The following CREB5 variants were observed in gnomAD, a reference collection of about 807,000 sequenced individuals.
CREB5 encodes cAMP responsive element binding protein 5, also known as cyclic AMP-responsive element-binding protein 5.
A neutral mutation model predicts 57.1 loss-of-function variants in CREB5; 19 were observed. That is an observed-to-expected ratio of 0.33 (90% CI 0.23 to 0.49). The LOEUF is 0.49. Among genes scored for constraint, CREB5 ranks in the 20% least tolerant of loss-of-function variants. CREB5 has a pLI of 0.99. For missense variants in CREB5, 579 were observed against 671.6 expected, an observed-to-expected ratio of 0.86 and a Z score of 1.52; for synonymous variants, 238 against 238.3, an observed-to-expected ratio of 1.00 and a Z score of 0.01.
chr7:28,427,389 AT>A (rs1788551034), intron 1 of CREB5, among the ~76,000 whole-genome samples: 1 of 152,112 alleles, frequency 6.6e-6, no homozygotes, highest in Non-Finnish European at 1.5e-5. Flanking sequence ...ATTGTTTGAC[AT>A]TTAACTTTGC....
intron 1 of CREB5, among the ~76,000 whole-genome samples, chr7:28,365,793 T>C (rs898405055): frequency 6.6e-6 from 1 of 152,188 alleles, no homozygotes; most frequent in Non-Finnish European, 1.5e-5. Context: ...CTCTTTAAAA[T>C]ATTTTTTTTT....
chr7:28,455,620 A>G (rs577073484), intron 1 of CREB5, among the ~76,000 whole-genome samples: 39 of 151,928 alleles, frequency 2.6e-4, no homozygotes, highest in Non-Finnish European at 4.9e-4. Flanking sequence ...AGAGTGGAGC[A>G]CCTGGACCTT....
At chr7:28,688,674 A>G (rs1801077919) in intron 5 of CREB5, among the ~76,000 whole-genome samples, 1 of 152,178 alleles carries the variant, frequency 6.6e-6, no homozygotes, top group South Asian at 2.1e-4. Context: ...ATTGTAAAGT[A>G]TGTAGTTATG....
At chr7:28,631,014 C>T (rs906139155) in intron 5 of CREB5, among the ~76,000 whole-genome samples, 2 of 152,136 alleles carry the variant, frequency 1.3e-5, no homozygotes, top group Admixed American at 1.3e-4. Context: ...AGTGGTTAGG[C>T]TGGAGTCAGA....
intron 7 of CREB5, among the ~76,000 whole-genome samples, chr7:28,793,673 G>A (rs766167625): frequency 6.6e-6 from 1 of 152,226 alleles, no homozygotes; most frequent in South Asian, 2.1e-4. Context: ...AGGGCTTGGG[G>A]GAGGATCTGC....
intron 1 of CREB5, among the ~76,000 whole-genome samples, chr7:28,374,176 A>C (rs1266847412): frequency 2.0e-5 from 3 of 152,194 alleles, no homozygotes; most frequent in African/African-American, 7.2e-5. Flanking sequence ...AGATACCACT[A>C]CACACCCACT....
chr7:28,722,994 G>A (rs1175980007), intron 6 of CREB5, among the ~76,000 whole-genome samples: 2 of 152,214 alleles, frequency 1.3e-5, no homozygotes, highest in African/African-American at 2.4e-5. Flanking sequence ...AGTTCAATGA[G>A]CCCTCTCAAG....
At chr7:28,622,964 C>G (rs1035383010) in intron 5 of CREB5, among the ~76,000 whole-genome samples, 1 of 152,162 alleles carries the variant, frequency 6.6e-6, no homozygotes, top group Non-Finnish European at 1.5e-5. Flanking sequence ...CTCACTGCAA[C>G]CCCCGTCTCC....
At chr7:28,748,482 G>C (rs542006602) in intron 7 of CREB5, among the ~76,000 whole-genome samples, 1 of 152,210 alleles carries the variant, frequency 6.6e-6, no homozygotes, top group Admixed American at 6.5e-5. Context: ...AAACTAGAGA[G>C]AATGTGTCCA....
At chr7:28,502,856 T>C (rs73299135) in intron 3 of CREB5, among the ~76,000 whole-genome samples, 1 of 152,302 alleles carries the variant, frequency 6.6e-6, no homozygotes, top group African/African-American at 2.4e-5. Flanking sequence ...TTTTTAACCA[T>C]TGAGGAAAAT....
intron 5 of CREB5, among the ~76,000 whole-genome samples, chr7:28,651,235 A>G (rs1206364361): frequency 1.3e-5 from 2 of 152,220 alleles, no homozygotes; most frequent in Non-Finnish European, 2.9e-5. Context: ...AGGCCAATAT[A>G]GAAGAATACT....
At chr7:28,525,048 T>A (rs1793388539) in intron 4 of CREB5, among the ~76,000 whole-genome samples, 1 of 149,372 alleles carries the variant, frequency 6.7e-6, no homozygotes, top group Non-Finnish European at 1.5e-5. Flanking sequence ...GATAAACATT[T>A]TAGGCATCAC....
intron 5 of CREB5, among the ~76,000 whole-genome samples, chr7:28,654,231 G>A (rs891926170): frequency 2.6e-5 from 4 of 152,100 alleles, no homozygotes; most frequent in African/African-American, 4.8e-5. Flanking sequence ...TGCCACTTTC[G>A]GGAGTCGATA....
intron 4 of CREB5, among the ~76,000 whole-genome samples, chr7:28,560,845 C>CGTGTGTGCGTGCGCGCGT: frequency 4.8e-5 from 2 of 41,364 alleles, no homozygotes; most frequent in South Asian, 1.6e-3. Flanking sequence ...TGTGTGTGTG[C>CGTGTGTGCGTGCGCGCGT]GCGTGTGTGT....
intron 1 of CREB5, among the ~76,000 whole-genome samples, chr7:28,314,673 C>T (rs993057242): frequency 1.8e-4 from 27 of 152,182 alleles, no homozygotes; most frequent in African/African-American, 6.0e-4. Context: ...AGCAGCGACA[C>T]ACTACCCCAA....
At chr7:28,537,845 C>G (rs71539571) in intron 4 of CREB5, among the ~76,000 whole-genome samples, 4 of 151,902 alleles carry the variant, frequency 2.6e-5, no homozygotes, top group Non-Finnish European at 5.9e-5. Context: ...ATTTGAATAC[C>G]GTTTGGGTTT....
chr7:28,645,437 A>G, intron 5 of CREB5, among the ~76,000 whole-genome samples: 1 of 152,232 alleles, frequency 6.6e-6, no homozygotes, highest in East Asian at 1.9e-4. Context: ...TGTTAGCATC[A>G]TAGGATACTG....
intron 4 of CREB5, among the ~76,000 whole-genome samples, chr7:28,542,278 A>G (rs545302709): frequency 1.3e-5 from 2 of 152,356 alleles, no homozygotes; most frequent in African/African-American, 4.8e-5. Flanking sequence ...TCCAAGCCAG[A>G]CGGAATCCAG....
At chr7:28,794,738 G>GCACACA (rs150983811) in intron 7 of CREB5, among the ~76,000 whole-genome samples, 3 of 149,240 alleles carry the variant, frequency 2.0e-5, no homozygotes, top group African/African-American at 7.5e-5. Flanking sequence ...GTGCATACCT[G>GCACACA]CACACACACA....
Sources: gnomAD v4.1 joint callset for allele counts (sites outside exome capture counted in the v4.1 genomes callset) on GRCh38, gnomAD v4.1.1 for gene constraint, MANE v1.5 for transcripts, NCBI Gene and HGNC (gene_info 2026-07-23, HGNC 2026-07-21) for gene names.